Variants in NEK11 observed in about 807,000 individuals in gnomAD.
The protein encoded by NEK11 is serine/threonine-protein kinase Nek11.
A neutral mutation model predicts 80.7 loss-of-function variants in NEK11; 72 were observed. The observed-to-expected ratio is 0.89, with a 90% confidence interval of 0.74 to 1.08. NEK11 has a LOEUF of 1.08. Ranked by LOEUF, NEK11 falls within the 50% of genes least tolerant of loss-of-function variation. The pLI, the probability that NEK11 is intolerant of heterozygous loss-of-function variation, is 0.00. For missense variants in NEK11, 764 were observed against 763.6 expected (o/e 1.00, Z -0.01); for synonymous variants, 251 against 260.7 (o/e 0.96, Z 0.36).
intron 3 of NEK11, chr3:131,053,906 G>A (rs186126210): frequency 6.6e-5 from 10 of 152,364 alleles, no homozygotes; most frequent in Admixed American, 4.6e-4. Flanking sequence ...CTACACAACT[G>A]ACAAGATTAT....
intron 17 of NEK11, among the ~76,000 whole-genome samples, chr3:131,305,185 C>T (rs1383978679): frequency 6.6e-6 from 1 of 151,916 alleles, no homozygotes; most frequent in Non-Finnish European, 1.5e-5. Flanking sequence ...GAAGGTCTGT[C>T]TACACATGCA....
intron 4 of NEK11, among the ~76,000 whole-genome samples, chr3:131,108,789 TTATTA>T (rs2079596131): frequency 6.6e-6 from 1 of 151,976 alleles, no homozygotes; most frequent in African/African-American, 2.4e-5. Flanking sequence ...AGATCCACAG[TTATTA>T]TATTCCTTAG....
chr3:131,330,747 T>C (rs1419668114), intron 17 of NEK11: 1 of 152,216 alleles, frequency 6.6e-6, no homozygotes, highest in Non-Finnish European at 1.5e-5. Context: ...GTCCATTTTG[T>C]GTTGCTGTAA....
At chr3:131,234,373 G>A (rs965641426) in intron 15 of NEK11, among the ~76,000 whole-genome samples, 1 of 152,106 alleles carries the variant, frequency 6.6e-6, no homozygotes, top group Non-Finnish European at 1.5e-5. Context: ...CTTCATACTT[G>A]GGAAGAAACA....
At chr3:131,232,569 A>G (rs946429945) in intron 15 of NEK11, among the ~76,000 whole-genome samples, 5 of 152,216 alleles carry the variant, frequency 3.3e-5, no homozygotes, top group African/African-American at 9.6e-5. Context: ...GAGTTCCACT[A>G]TTCCAGTTAA....
At chr3:131,058,208 G>T (rs973062394) in intron 3 of NEK11, among the ~76,000 whole-genome samples, 3 of 152,084 alleles carry the variant, frequency 2.0e-5, no homozygotes, top group African/African-American at 7.2e-5. Context: ...TAGATATGCG[G>T]CGTTATTTCT....
intron 17 of NEK11, among the ~76,000 whole-genome samples, chr3:131,332,783 G>A (rs2097113630): frequency 6.6e-6 from 1 of 152,208 alleles, no homozygotes; most frequent in African/African-American, 2.4e-5. Flanking sequence ...GGAGCTGATG[G>A]AGCTGAAAGC....
In NEK11 at chr3:131,338,276, T is replaced by G. The variant is rs558036250; in HGVS notation, c.1719-11281T>G. Among the ~76,000 whole-genome samples the G allele has an allele frequency of 4.1e-4, 61 of 148,032 alleles. 3 individuals are homozygous for G. The East Asian group carries it at 0.011, about 27-fold the overall frequency. On this transcript the variant is annotated intron_variant, in intron 17 of 17. Transcript: ENST00000383366. ...CACGGCGCCCAGCTGGTTTTTTTTT[T>G]TTTTTTTTTTTTTTTAATACTAAGT...
intron 14 of NEK11, among the ~76,000 whole-genome samples, chr3:131,196,518 T>A (rs1432317379): frequency 6.6e-6 from 1 of 151,928 alleles, no homozygotes; most frequent in Non-Finnish European, 1.5e-5. Flanking sequence ...TATTTAAAAA[T>A]GCGAAATTTC....
chr3:131,141,939 A>G (rs984878475), intron 7 of NEK11, among the ~76,000 whole-genome samples: 13 of 152,204 alleles, frequency 8.5e-5, no homozygotes, highest in African/African-American at 3.1e-4. Context: ...AAGCAGAGGA[A>G]TGATGTATCA....
In NEK11 at chr3:131,348,478, G is replaced by C. The variant is rs570961955; in HGVS notation, c.1719-1079G>C. On this transcript the variant is annotated intron_variant, in intron 17 of 17. Transcript: ENST00000383366. ...AAGATAGGGGAGGTAGGTCAAAGAC[G>C]GTCAGAAAATGCAGAGTACAGAGTG... Among the ~76,000 whole-genome samples the C allele has an allele frequency of 5.3e-5, 8 of 151,894 alleles. No individual in the cohort carries two copies. The South Asian group carries it at 1.7e-3, about 32-fold the overall frequency.
intron 14 of NEK11, among the ~76,000 whole-genome samples, chr3:131,171,956 A>G (rs906123059): frequency 1.3e-5 from 2 of 152,224 alleles, no homozygotes; most frequent in Non-Finnish European, 2.9e-5. Flanking sequence ...TTTTAGAGAA[A>G]ATGCTTATAT....
chr3:131,263,517 T>C (rs1023772774), intron 16 of NEK11, among the ~76,000 whole-genome samples: 1 of 152,158 alleles, frequency 6.6e-6, no homozygotes, highest in African/African-American at 2.4e-5. Flanking sequence ...TCCAGCTTTG[T>C]TCTTTTGGCT....
chr3:131,031,662 A>T (rs189415835), intron 3 of NEK11, among the ~76,000 whole-genome samples: 2 of 152,238 alleles, frequency 1.3e-5, no homozygotes, highest in Admixed American at 1.3e-4. Context: ...AGAGAATGAG[A>T]GAGAAGAAAG....
intron 14 of NEK11, among the ~76,000 whole-genome samples, chr3:131,188,553 A>C (rs1437597084): frequency 6.6e-6 from 1 of 152,100 alleles, no homozygotes; most frequent in Non-Finnish European, 1.5e-5. Context: ...GGAATTTTAC[A>C]TTGCTGTTAT....
chr3:131,090,820 A>G (rs1358628797), intron 4 of NEK11, among the ~76,000 whole-genome samples: 1 of 152,110 alleles, frequency 6.6e-6, no homozygotes, highest in Non-Finnish European at 1.5e-5. Context: ...GCTGGAGTGC[A>G]GTGGTGCAAT....
chr3:131,303,121 GTC>G (rs1378028754), intron 17 of NEK11, among the ~76,000 whole-genome samples: 2 of 152,168 alleles, frequency 1.3e-5, no homozygotes, highest in Non-Finnish European at 2.9e-5. Flanking sequence ...TTGGTAAAAA[GTC>G]TGTTTGGTCT....
intron 4 of NEK11, among the ~76,000 whole-genome samples, chr3:131,083,479 C>A (rs1442346873): frequency 6.6e-6 from 1 of 152,224 alleles, no homozygotes; most frequent in Admixed American, 6.5e-5. Context: ...TTGCTCCGTT[C>A]TTGTTAACAG....
At chr3:131,294,289 G>A (rs901543058) in intron 17 of NEK11, among the ~76,000 whole-genome samples, 1 of 151,918 alleles carries the variant, frequency 6.6e-6, no homozygotes, top group African/African-American at 2.4e-5. Flanking sequence ...TTCAAAATAC[G>A]TTAAAATTTA....
Sources: gnomAD v4.1 joint callset for allele counts (sites outside exome capture counted in the v4.1 genomes callset) on GRCh38, gnomAD v4.1.1 for gene constraint, MANE v1.5 for transcripts, NCBI Gene and HGNC (gene_info 2026-07-23, HGNC 2026-07-21) for gene names.